The following CACNA1G variants were observed in gnomAD, a reference collection of about 807,000 sequenced individuals.
CACNA1G encodes voltage-dependent T-type calcium channel subunit alpha-1G.
A neutral mutation model predicts 219.4 loss-of-function variants in CACNA1G; 67 were observed. The ratio of observed to expected loss-of-function variants is 0.31; its 90% CI spans 0.25 to 0.37. The LOEUF is 0.37. Among genes scored for constraint, CACNA1G ranks in the 10% least tolerant of loss-of-function variants. The pLI, the probability that CACNA1G is intolerant of heterozygous loss-of-function variation, is 1.00. For missense variants in CACNA1G, 2,380 were observed against 3,231.4 expected, an observed-to-expected ratio of 0.74 and a Z score of 6.39; for synonymous variants, 1,296 against 1,345.3, an observed-to-expected ratio of 0.96 and a Z score of 0.80.
chr17:50,596,590 C>T lies in CACNA1G; in HGVS notation c.3008C>T (p.Pro1003Leu). 1 of 1,613,962 alleles carries T rather than the reference C, an allele frequency of 6.2e-7. No individual in the cohort carries two copies. The change falls in exon 15 of 38, where the codon CCC (proline) becomes CTC (leucine). Residue 1003 changes from proline to leucine, a missense_variant. Pro to Leu is a moderately conservative substitution (Grantham distance 98). Transcript: ENST00000359106. The surrounding 1 kb of genome is among the most constrained non-coding windows in gnomAD (Gnocchi z 4.8). ...GGDANKSESE[P>L]DFFSPSLDGD... ...GATGCCAACAAGTCCGAATCAGAGC[C>T]CGATTTCTTCTCACCCAGCCTGGAT...
At chr17:50,624,324 T>TGGCCCCCCCCCCCCC in intron 36 of CACNA1G, 36 bp from the exon 37 acceptor site, 3 of 1,177,664 alleles carry the variant, frequency 2.5e-6, no homozygotes, top group Non-Finnish European at 3.7e-6. Flanking sequence ...CTCCATTCTC[T>TGGCCCCCCCCCCCCC]CCCCCCACCC....
intron 36 of CACNA1G, 24 bp from the exon 37 acceptor site, chr17:50,624,336 T>TGCCCC: frequency 1.4e-6 from 1 of 717,764 alleles, no homozygotes; most frequent in Non-Finnish European, 2.0e-6. Context: ...CCCCCACCCC[T>TGCCCC]CCCCCGCTTC....
chr17:50,602,663 C>T (rs1324102345), intron 19 of CACNA1G, among the ~76,000 whole-genome samples, 157 bp from the exon 20 acceptor site: 2 of 151,800 alleles, frequency 1.3e-5, no homozygotes, highest in African/African-American at 2.4e-5. Flanking sequence ...TGGCTCTGTG[C>T]GTGTATGAGA....
intron 8 of CACNA1G, among the ~76,000 whole-genome samples, chr17:50,576,772 G>A (rs918202859): frequency 3.3e-5 from 5 of 152,198 alleles, no homozygotes; most frequent in African/African-American, 7.2e-5. Flanking sequence ...GGTGAGGGGC[G>A]GACTCGGGGC....
intron 19 of CACNA1G, among the ~76,000 whole-genome samples, chr17:50,601,460 C>T (rs1167735450): frequency 6.6e-6 from 1 of 152,134 alleles, no homozygotes; most frequent in Non-Finnish European, 1.5e-5. Flanking sequence ...ACGCGTGAGT[C>T]GGGGAGTGCT....
chr17:50,563,535 C>T (rs1056527296), intron 1 of CACNA1G, among the ~76,000 whole-genome samples: 5 of 152,352 alleles, frequency 3.3e-5, no homozygotes, highest in African/African-American at 1.2e-4. Flanking sequence ...CTTCTCTCCC[C>T]TCTCCCTGAA....
chr17:50,589,019 A>C (rs559066366), intron 9 of CACNA1G, among the ~76,000 whole-genome samples: 1 of 152,300 alleles, frequency 6.6e-6, no homozygotes, highest in South Asian at 2.1e-4. Flanking sequence ...TGTCTGATGG[A>C]ATGAGTGCCT....
At chr17:50,562,761 C>G (rs749121465) in intron 1 of CACNA1G, among the ~76,000 whole-genome samples, 1 of 152,140 alleles carries the variant, frequency 6.6e-6, no homozygotes, top group East Asian at 1.9e-4. Context: ...GCGTAGACTC[C>G]GCAGATAGGT....
rs1457363689 is a variant in CACNA1G at position 50,561,733 on chromosome 17, G to C, written c.242+32G>C. ...TTCGGGGCACGACGGCCAGGCGCGG[G>C]GTCAGAAGGGGGACGGGCCGCACCG... On this transcript the variant is annotated intron_variant, in intron 1 of 37. Transcript: ENST00000359106. 3 of 1,527,672 alleles carry C rather than the reference G, an allele frequency of 2.0e-6. No homozygotes were observed. The African/African-American group carries it at 4.2e-5, about 21-fold the overall frequency. 94.6% of individuals were successfully genotyped at this position (1,527,672 alleles called of 1,614,324 possible). A position where few individuals can be genotyped will look rare whatever the true frequency, so the allele number is the denominator to read the frequency against.
chr17:50,590,730 A>C lies in CACNA1G; in HGVS notation c.2453+108A>C, dbSNP rs8066026. ...CCCTGGGGTGGAGGGGTCTGGAGTC[A>C]GGCCCCACTGACCCCACAGGACCTG... On this transcript the variant is annotated intron_variant, in intron 10 of 37. Transcript: ENST00000359106. The C allele has an allele frequency of 0.4, 420,161 of 1,047,950 alleles. 91,380 individuals carry two copies. Among genetic ancestry groups the C allele is most frequent in the East Asian group, 0.91 (34,475 of 37,868 alleles). 64.9% of individuals were successfully genotyped at this position (1,047,950 alleles called of 1,614,324 possible).
chr17:50,572,904 C>G (rs1363515006), intron 6 of CACNA1G, 50 bp downstream of exon 6: 2 of 1,592,152 alleles, frequency 1.3e-6, no homozygotes, highest in Non-Finnish European at 1.7e-6. Context: ...AGCCCCAGGA[C>G]ACAGCCCAGG....
In CACNA1G at chr17:50,626,297, A is replaced by G; in HGVS notation, c.6680A>G (p.Asp2227Gly). The change falls in exon 38 of 38, where the codon GAC becomes GGC. Residue 2227 changes from aspartate (D) to glycine (G), a missense_variant. Physicochemically the swap from Asp to Gly is moderately conservative, Grantham distance 94. Transcript: ENST00000359106. This position sits in a 1 kb window ranked among gnomAD's most constrained non-coding sequence, Gnocchi z 4.3. ...ACGGAGCTGAGCTGGATTTCAGGAG[A>G]CCTCCTGCCCCCTGGCGGCCAGGAG... is the stretch of plus-strand genomic sequence containing the variant. ...LDTELSWISG[D>G]LLPPGGQEEP... 7 of 1,613,316 alleles carry G rather than the reference A, an allele frequency of 4.3e-6. No individual in the cohort carries two copies. The highest frequency in any genetic ancestry group is 5.9e-6 in the Non-Finnish European group (7 of 1,179,814).
intron 36 of CACNA1G, 109 bp from the exon 37 acceptor site, chr17:50,624,251 T>G: frequency 7.9e-7 from 1 of 1,262,554 alleles, no homozygotes; most frequent in East Asian, 2.5e-5. Flanking sequence ...GTAGAGGCCC[T>G]GATGAGGGGG....
At chr17:50,597,038 G>A in intron 16 of CACNA1G, 115 bp downstream of exon 16, 7 of 1,019,550 alleles carry the variant, frequency 6.9e-6, no homozygotes, top group Non-Finnish European at 9.7e-6. Flanking sequence ...TGGGCTGGAT[G>A]GGGCCTGGGT....
At chr17:50,620,975 G>T (rs1202340543) in intron 34 of CACNA1G, among the ~76,000 whole-genome samples, 1 of 152,202 alleles carries the variant, frequency 6.6e-6, no homozygotes, top group Non-Finnish European at 1.5e-5. Context: ...TGGGTCCCAG[G>T]TGAGCCAGCC....
In CACNA1G at chr17:50,576,331, G is replaced by A. The variant is rs1202359030; in HGVS notation, c.1924+5G>A. ...TGCTGGAGACACAGAGTACAGGTGAGAACTCTGGGTGGAGGCATGTGGGTG... is the reference window on the plus strand; with the variant it reads ...TGCTGGAGACACAGAGTACAGGTGAAAACTCTGGGTGGAGGCATGTGGGTG... On this transcript the variant is annotated splice_donor_5th_base_variant and intron_variant, in intron 8 of 37. Transcript: ENST00000359106. The A allele has an allele frequency of 6.4e-7, 1 of 1,564,936 alleles. No homozygotes were observed. The highest frequency in any genetic ancestry group is 8.7e-7 in the Non-Finnish European group (1 of 1,154,866).
chr17:50,579,895 C>T (rs923182383), intron 9 of CACNA1G, among the ~76,000 whole-genome samples: 5 of 152,128 alleles, frequency 3.3e-5, no homozygotes, highest in East Asian at 3.9e-4. Flanking sequence ...CAGGTCAAGC[C>T]GGGTCTGGAG....
At position 50,618,858 on chromosome 17, in the gene CACNA1G, C is replaced by T; in HGVS notation, c.5631C>T (p.Thr1877=). 2 of 1,613,350 alleles carry T rather than the reference C, an allele frequency of 1.2e-6. No homozygotes were observed. The highest frequency in any genetic ancestry group is 2.7e-5 in the African/African-American group (2 of 75,058). Residue 1877 remains threonine, a synonymous_variant, in exon 33 of 38, where the codon ACC becomes ACT. Coordinates refer to ENST00000359106, the MANE Select transcript of CACNA1G (RefSeq NM_018896.5). The surrounding 1 kb of genome is among the most constrained non-coding windows in gnomAD (Gnocchi z 5.3). ...LEAELELEMK[T]LSPQPHSPLG... ...CTGAGCTGGAGCTGGAGATGAAGAC[C>T]CTCAGCCCCCAGCCCCACTCGCCAC...
At position 50,624,346 on chromosome 17, in the gene CACNA1G, C is replaced by CGA; in HGVS notation, c.6230-14_6230-13insGA. The stretch of plus-strand genomic sequence containing the variant: ...CTCTCCCCCCACCCCTCCCCCGCTT[C>CGA]CCTCCCTCCACAGGCTCCGTCTTGT... On this transcript the variant is annotated splice_polypyrimidine_tract_variant and intron_variant, in intron 36 of 37. Coordinates refer to ENST00000359106, the MANE Select transcript of CACNA1G (RefSeq NM_018896.5). 3.0e-6 allele frequency: 2 copies of CGA among 672,642 alleles called. No individual in the cohort carries two copies. The highest frequency in any genetic ancestry group is 4.9e-6 in the Non-Finnish European group (2 of 412,134). 41.7% of individuals were successfully genotyped at this position (672,642 alleles called of 1,614,324 possible). A position where few individuals can be genotyped will look rare whatever the true frequency, so the allele number is the denominator to read the frequency against.
Sources: gnomAD v4.1 joint callset for allele counts (sites outside exome capture counted in the v4.1 genomes callset) on GRCh38, gnomAD v4.1.1 for gene constraint, Gnocchi (gnomAD v3.1) non-coding constraint, MANE v1.5 for transcripts, NCBI Gene and HGNC (gene_info 2026-07-23, HGNC 2026-07-21) for gene names.